Variants in FRAS1 observed in about 807,000 individuals in gnomAD.
FRAS1 encodes Fraser extracellular matrix complex subunit 1.
In FRAS1, 290 loss-of-function variants were observed where a neutral mutation model predicts 435.2. That is an observed-to-expected ratio of 0.67 (90% confidence interval 0.61 to 0.73). The LOEUF (loss-of-function observed/expected upper bound fraction) is 0.73, where lower values mean the gene tolerates loss of function less well. Among genes scored for constraint, FRAS1 ranks in the 30% least tolerant of loss-of-function variants. FRAS1 has a pLI of 0.00. For missense variants in FRAS1, 4,860 were observed against 5,001.5 expected (o/e 0.97, Z 0.85); for synonymous variants, 1,800 against 1,851.0 (o/e 0.97, Z 0.71).
At chr4:78,317,653 C>A in intron 17 of FRAS1, 145 bp downstream of exon 17, 1 of 768,946 alleles carries the variant, frequency 1.3e-6, no homozygotes, top group Non-Finnish European at 1.9e-6. Flanking sequence ...TTTTTCATTA[C>A]AGTAGTTTTG....
At chr4:78,459,941 T>C (rs1478438590) in intron 47 of FRAS1, among the ~76,000 whole-genome samples, 1 of 152,322 alleles carries the variant, frequency 6.6e-6, no homozygotes, top group South Asian at 2.1e-4. Flanking sequence ...TCTAATTACA[T>C]CTACAATTAC....
chr4:78,272,771 CT>C (rs1726777556), intron 9 of FRAS1, among the ~76,000 whole-genome samples: 1 of 152,140 alleles, frequency 6.6e-6, no homozygotes. Context: ...GTTCTTTTGA[CT>C]TAGGATTGAC....
At chr4:78,309,278 A>G (rs1728919921) in intron 15 of FRAS1, among the ~76,000 whole-genome samples, 1 of 152,254 alleles carries the variant, frequency 6.6e-6, no homozygotes, top group African/African-American at 2.4e-5. Flanking sequence ...TTCTAGAACT[A>G]TAAGATGATA....
At chr4:78,397,491 A>G (rs555758642) in intron 29 of FRAS1, among the ~76,000 whole-genome samples, 9 of 151,982 alleles carry the variant, frequency 5.9e-5, no homozygotes, top group Middle Eastern at 3.4e-3. Flanking sequence ...GCCTGAATGT[A>G]CTCTCTTCAG....
At chr4:78,377,711 C>A (rs1033317834) in intron 26 of FRAS1, among the ~76,000 whole-genome samples, 1 of 152,184 alleles carries the variant, frequency 6.6e-6, no homozygotes, top group African/African-American at 2.4e-5. Context: ...CAAACACCAG[C>A]CTCTTTACTT....
intron 22 of FRAS1, among the ~76,000 whole-genome samples, 156 bp downstream of exon 22, chr4:78,364,210 C>T (rs1264323030): frequency 6.6e-6 from 1 of 152,162 alleles, no homozygotes; most frequent in Non-Finnish European, 1.5e-5. Context: ...GTAAGGTTGC[C>T]ATTAGCAGAT....
chr4:78,482,685 T>TA, intron 58 of FRAS1, 150 bp downstream of exon 58: 2 of 770,530 alleles, frequency 2.6e-6, no homozygotes, highest in Non-Finnish European at 4.2e-6. Context: ...CACTTTTACA[T>TA]AGCAGAGTAT....
chr4:78,137,897 T>C (rs543907268), intron 2 of FRAS1, among the ~76,000 whole-genome samples: 39 of 152,334 alleles, frequency 2.6e-4, no homozygotes, highest in Non-Finnish European at 4.3e-4. Flanking sequence ...AGAGTTAATA[T>C]AGGCAATAGT....
intron 14 of FRAS1, among the ~76,000 whole-genome samples, chr4:78,289,086 T>G (rs1727757258): frequency 6.6e-6 from 1 of 152,182 alleles, no homozygotes. Context: ...ATCACCTGAT[T>G]AATATTCATG....
At chr4:78,509,452 G>A (rs547896869) in intron 63 of FRAS1, among the ~76,000 whole-genome samples, 3 of 151,440 alleles carry the variant, frequency 2.0e-5, no homozygotes, top group African/African-American at 7.4e-5. Flanking sequence ...TTATGGACAT[G>A]AACCAAAGTT....
chr4:78,448,722 A>G (rs1025615458), intron 44 of FRAS1, among the ~76,000 whole-genome samples: 1 of 152,220 alleles, frequency 6.6e-6, no homozygotes, highest in African/African-American at 2.4e-5. Flanking sequence ...TACAAAATGC[A>G]TGGAGGGTAA....
At chr4:78,303,117 C>T (rs1304742112) in intron 14 of FRAS1, among the ~76,000 whole-genome samples, 1 of 152,140 alleles carries the variant, frequency 6.6e-6, no homozygotes, top group East Asian at 1.9e-4. Context: ...AATAGGGAAT[C>T]CTTTCCCCAT....
intron 2 of FRAS1, among the ~76,000 whole-genome samples, chr4:78,081,927 A>G (rs2109877414): frequency 6.6e-6 from 1 of 152,198 alleles, no homozygotes; most frequent in East Asian, 1.9e-4. Context: ...CTTAGTGATT[A>G]ATTTTCTTTG....
chr4:78,496,670 A>G, intron 59 of FRAS1, 135 bp from the exon 60 acceptor site: 1 of 864,676 alleles, frequency 1.2e-6, no homozygotes, highest in Non-Finnish European at 1.8e-6. Context: ...TTTGTTTTAT[A>G]AATGAAACTG....
intron 2 of FRAS1, among the ~76,000 whole-genome samples, chr4:78,096,206 C>A (rs1281708502): frequency 6.6e-6 from 1 of 152,198 alleles, no homozygotes; most frequent in Non-Finnish European, 1.5e-5. Context: ...CCTTTGACTC[C>A]ATGTCTTGCA....
intron 2 of FRAS1, among the ~76,000 whole-genome samples, chr4:78,225,377 C>G (rs1289513096): frequency 6.6e-6 from 1 of 152,170 alleles, no homozygotes; most frequent in Non-Finnish European, 1.5e-5. Flanking sequence ...GGGCTAATCT[C>G]TAAGTTTCAT....
intron 41 of FRAS1, chr4:78,444,253 C>T (rs762134389): frequency 1.3e-4 from 56 of 440,168 alleles, no homozygotes; most frequent in South Asian, 5.7e-4. Flanking sequence ...GAATTTTAGC[C>T]GTTCCTTCTG....
chr4:78,084,884 G>A (rs946752075), intron 2 of FRAS1, among the ~76,000 whole-genome samples: 1 of 152,066 alleles, frequency 6.6e-6, no homozygotes, highest in African/African-American at 2.4e-5. Context: ...AGAAAATGAA[G>A]CATGAGTTTA....
Position 78,267,384 on chromosome 4 carries a change from C to T in FRAS1, c.933C>T (p.Gly311=), listed in dbSNP as rs757590904. ...SACEFCMCDH[G]QVTCQTGECA... is the part of the protein sequence containing the mutation. ...GTGAGTTCTGCATGTGTGATCATGG[C>T]CAAGTGACCTGCCAGACTGGAGAGT... The change falls in exon 9 of 74, where the codon GGC becomes GGT. Residue 311 remains glycine (G), a synonymous_variant. Transcript: ENST00000512123. 1.2e-6 allele frequency: 2 copies of T among 1,613,896 alleles called. No individual in the cohort carries two copies.
Sources: allele counts gnomAD v4.1 joint callset (sites outside exome capture counted in the v4.1 genomes callset), GRCh38; gene constraint gnomAD v4.1.1; transcripts MANE v1.5; gene names NCBI Gene and HGNC (gene_info 2026-07-23, HGNC 2026-07-21).